The following SLC44A1 variants were observed in gnomAD, a reference collection of about 807,000 sequenced individuals.
The protein encoded by SLC44A1 is solute carrier family 44 member 1.
In SLC44A1, 26 loss-of-function variants were observed where a neutral mutation model predicts 79.3. The observed-to-expected ratio is 0.33, with a 90% CI of 0.24 to 0.46. The LOEUF (loss-of-function observed/expected upper bound fraction) is 0.46, where lower values mean the gene tolerates loss of function less well. Among genes scored for constraint, SLC44A1 ranks in the 20% least tolerant of loss-of-function variants. SLC44A1 has a pLI of 1.00. For missense variants in SLC44A1, 688 were observed against 798.1 expected (o/e 0.86, Z 1.66); for synonymous variants, 263 against 286.2 (o/e 0.92, Z 0.82).
chr9:105,392,925 T>G lies in SLC44A1; in HGVS notation c.*3869T>G, dbSNP rs1293442353. On this transcript the variant is annotated 3_prime_UTR_variant, in exon 16 of 16. Coordinates refer to ENST00000374720, the MANE Select transcript of SLC44A1 (RefSeq NM_080546.5). Reference sequence around the variant, plus strand: ...CTTTAAGCTTTCGCTTTTCAATAAGTAAGTTCTTTACTGCTTTTCTACTGC... The same window carrying G: ...CTTTAAGCTTTCGCTTTTCAATAAGGAAGTTCTTTACTGCTTTTCTACTGC... 2 of 985,138 alleles carry G rather than the reference T, an allele frequency of 2.0e-6. No individual in the cohort carries two copies. The highest frequency in any genetic ancestry group is 2.4e-6 in the Non-Finnish European group (2 of 829,836). The allele number at this position is 985,138 out of a possible 1,614,324, so 61.0% of individuals were successfully genotyped here.
At chr9:105,375,085 A>G (rs1828235942) in intron 13 of SLC44A1, among the ~76,000 whole-genome samples, 1 of 152,210 alleles carries the variant, frequency 6.6e-6, no homozygotes, top group Non-Finnish European at 1.5e-5. Flanking sequence ...CTTGTCGCCC[A>G]GGCTGGAATA....
In SLC44A1 at chr9:105,391,319, G is replaced by A. The variant is rs1588862975; in HGVS notation, c.*2263G>A. 1.0e-6 allele frequency: 1 copy of A among 985,756 alleles called. No homozygotes were observed. Among genetic ancestry groups the A allele is most frequent in the South Asian group, 4.7e-5 (1 of 21,282 alleles). 61.1% of individuals were successfully genotyped at this position (985,756 alleles called of 1,614,324 possible). On this transcript the variant is annotated 3_prime_UTR_variant, in exon 16 of 16. Coordinates refer to ENST00000374720, the MANE Select transcript of SLC44A1 (RefSeq NM_080546.5). ...TTGCAACTAGAACTGTAATCAGAAA[G>A]AAATTTTGTATTTTTGTATAACTTG...
rs1828839687 is a variant in SLC44A1, at chr9:105,394,621, T to C, written c.*5565T>C. ...GCTCAGCTATGACATTATGACATTA[T>C]GTGGCTTAGTGTTATCAGTATACTA... is the stretch of plus-strand genomic sequence containing the variant. On this transcript the variant is annotated 3_prime_UTR_variant, in exon 16 of 16. Coordinates refer to ENST00000374720, the MANE Select transcript of SLC44A1 (RefSeq NM_080546.5). 1 of 985,354 alleles carries C rather than the reference T, an allele frequency of 1.0e-6. No homozygotes were observed. Among genetic ancestry groups the C allele is most frequent in the Non-Finnish European group, 1.2e-6 (1 of 829,868 alleles). The allele number at this position is 985,354 out of a possible 1,614,324, so 61.0% of individuals were successfully genotyped here.
intron 15 of SLC44A1, among the ~76,000 whole-genome samples, chr9:105,425,133 C>CT: frequency 6.6e-6 from 1 of 152,052 alleles, no homozygotes; most frequent in Non-Finnish European, 1.5e-5. Context: ...ATAAAACCTA[C>CT]TTTTTTCACT....
At chr9:105,350,838 C>G (rs7871427) in intron 5 of SLC44A1, among the ~76,000 whole-genome samples, 10,014 of 152,156 alleles carry the variant, frequency 0.066, 1,118 homozygotes, top group African/African-American at 0.23. Context: ...TTCCTTTGGC[C>G]CATCTTTCTT....
chr9:105,331,889 T>G (rs1826761165), intron 3 of SLC44A1, among the ~76,000 whole-genome samples: 1 of 152,178 alleles, frequency 6.6e-6, no homozygotes, highest in Non-Finnish European at 1.5e-5. Flanking sequence ...AAGGCCTCAG[T>G]TTTAACATCT....
intron 15 of SLC44A1, among the ~76,000 whole-genome samples, chr9:105,405,288 T>C (rs986459129): frequency 6.7e-6 from 1 of 149,220 alleles, no homozygotes; most frequent in Non-Finnish European, 1.5e-5. Context: ...GCCACTGCAC[T>C]CCAGCCTGGG....
At position 105,389,820 on chromosome 9, in the gene SLC44A1, T is replaced by C; in HGVS notation, c.*764T>C. ...TTCCTTTTTGACTTTAGTAGCATCC[T>C]CCACACATTTGTGTGCCTGATTTGA... On this transcript the variant is annotated 3_prime_UTR_variant, in exon 16 of 16. Transcript: ENST00000374720. 7.1e-7 allele frequency: 1 copy of C among 1,416,370 alleles called. No individual in the cohort carries two copies. Among genetic ancestry groups the C allele is most frequent in the Non-Finnish European group, 9.2e-7 (1 of 1,085,536 alleles). 87.7% of individuals were successfully genotyped at this position (1,416,370 alleles called of 1,614,324 possible).
rs577315383 is a variant in SLC44A1 at position 105,428,956 on chromosome 9, A to T, written c.1951-9325A>T. Reference sequence around the variant, plus strand: ...CCTGACCTCGTGATCCGCCTGCCTTAGCCTCCCAGAGTGCTGGGATTACAG... The same window carrying T: ...CCTGACCTCGTGATCCGCCTGCCTTTGCCTCCCAGAGTGCTGGGATTACAG... On this transcript the variant is annotated intron_variant, in intron 15 of 15. Transcript: ENST00000374724. Among the ~76,000 whole-genome samples the T allele has an allele frequency of 3.3e-5, 5 of 152,328 alleles. No individual in the cohort carries two copies. In the South Asian group the frequency reaches 1.0e-3, roughly 32 times the overall value.
chr9:105,361,113 G>T, intron 7 of SLC44A1, 78 bp from the exon 8 acceptor site: 1 of 1,406,214 alleles, frequency 7.1e-7, no homozygotes, highest in Non-Finnish European at 1.0e-6. Context: ...TGTAGGAAGG[G>T]TCAAGAAAAT....
At chr9:105,255,190 G>A (rs1160157661) in intron 1 of SLC44A1, among the ~76,000 whole-genome samples, 1 of 149,156 alleles carries the variant, frequency 6.7e-6, no homozygotes, top group Admixed American at 6.7e-5. Flanking sequence ...TATATAAAAT[G>A]CATCCTTGCA....
intron 1 of SLC44A1, among the ~76,000 whole-genome samples, chr9:105,295,552 G>C (rs1588746414): frequency 6.6e-6 from 1 of 152,220 alleles, no homozygotes; most frequent in East Asian, 1.9e-4. Context: ...TCAACTCTTC[G>C]GTTTTCTGAC....
chr9:105,348,646 A>G (rs1827313177), intron 5 of SLC44A1, among the ~76,000 whole-genome samples, 195 bp downstream of exon 5: 1 of 152,092 alleles, frequency 6.6e-6, no homozygotes, highest in Non-Finnish European at 1.5e-5. Context: ...TAGGCAACCA[A>G]CTTTTCTTGT....
intron 12 of SLC44A1, among the ~76,000 whole-genome samples, chr9:105,368,158 A>T (rs776583169): frequency 2.0e-5 from 3 of 152,150 alleles, no homozygotes; most frequent in Non-Finnish European, 2.9e-5. Flanking sequence ...CAAGCTAAAC[A>T]TTAGTCAGTG....
Position 105,391,113 on chromosome 9 carries a change from T to C in SLC44A1, c.*2057T>C. On this transcript the variant is annotated 3_prime_UTR_variant, in exon 16 of 16. Transcript: ENST00000374720. The stretch of plus-strand genomic sequence containing the variant: ...AAGATGGGTATCAAAACAGAAGACA[T>C]TCCAGGAGCTAGCAATTTTAAGAGG... 1.0e-6 allele frequency: 1 copy of C among 985,752 alleles called. No homozygotes were observed. 61.1% of individuals were successfully genotyped at this position (985,752 alleles called of 1,614,324 possible).
At chr9:105,269,096 G>A (rs1179811689) in intron 1 of SLC44A1, among the ~76,000 whole-genome samples, 1 of 152,012 alleles carries the variant, frequency 6.6e-6, no homozygotes, top group Non-Finnish European at 1.5e-5. Flanking sequence ...TTATTATCCA[G>A]TGTATGTGCT....
At chr9:105,400,977 C>G (rs1009868959), downstream of SLC44A1, among the ~76,000 whole-genome samples, 9 of 152,186 alleles carry the variant, frequency 5.9e-5, no homozygotes, top group Non-Finnish European at 7.3e-5. Flanking sequence ...AATATACACA[C>G]CTGACCCTTG....
intron 12 of SLC44A1, among the ~76,000 whole-genome samples, chr9:105,370,977 A>G (rs1427030450): frequency 1.3e-5 from 2 of 152,240 alleles, no homozygotes; most frequent in East Asian, 3.8e-4. Context: ...AAAACTTGTT[A>G]TGAATAACTG....
At chr9:105,318,042 G>C (rs1263876962) in intron 3 of SLC44A1, among the ~76,000 whole-genome samples, 2 of 152,114 alleles carry the variant, frequency 1.3e-5, no homozygotes, top group African/African-American at 4.8e-5. Context: ...GCATAAAGTG[G>C]AAAAGAGCAG....
Sources: gnomAD v4.1 joint callset for allele counts (sites outside exome capture counted in the v4.1 genomes callset) on GRCh38, gnomAD v4.1.1 for gene constraint, MANE v1.5 for transcripts, NCBI Gene and HGNC (gene_info 2026-07-23, HGNC 2026-07-21) for gene names.